NOVA1: variants seen among roughly 807,000 people sequenced by gnomAD.
NOVA1 encodes NOVA alternative splicing regulator 1, also known as RNA-binding protein Nova-1.
A neutral mutation model predicts 38.0 loss-of-function variants in NOVA1; 7 were observed. The observed-to-expected ratio is 0.18, with a 90% CI of 0.10 to 0.35. The LOEUF is 0.35. Ranked by LOEUF, NOVA1 falls within the 10% of genes least tolerant of loss-of-function variation. NOVA1 has a pLI of 1.00. For missense variants in NOVA1, 460 were observed against 616.0 expected, an observed-to-expected ratio of 0.75 and a Z score of 2.68; for synonymous variants, 270 against 232.5, an observed-to-expected ratio of 1.16 and a Z score of -1.47.
chr14:26,446,100 A>G lies in NOVA1; in HGVS notation c.*1859T>C, dbSNP rs1275462930. The G allele has an allele frequency of 2.0e-5, 3 of 152,550 alleles. No individual in the cohort carries two copies. The highest frequency in any genetic ancestry group is 6.5e-5 in the Admixed American group (1 of 15,278). The allele number at this position is 152,550 out of a possible 1,614,324, so 9.4% of individuals were successfully genotyped here. A position where few individuals can be genotyped will look rare whatever the true frequency, so the allele number is the denominator to read the frequency against. ...TCATTCCCTTTTAAAATCATTCTCT[A>G]AATAAATATTTAGAGATAGAGAACT... On this transcript the variant is annotated 3_prime_UTR_variant, in exon 5 of 5. Transcript: ENST00000539517.
intron 2 of NOVA1, among the ~76,000 whole-genome samples, chr14:26,515,299 T>C (rs1888382514): frequency 1.3e-5 from 2 of 151,944 alleles, no homozygotes; most frequent in South Asian, 4.1e-4. Context: ...CTTGTATTTA[T>C]ATAAAGAAAA....
chr14:26,490,080 T>C (rs1008518889), intron 2 of NOVA1, among the ~76,000 whole-genome samples: 1 of 152,236 alleles, frequency 6.6e-6, no homozygotes, highest in African/African-American at 2.4e-5. Context: ...GTCAAAATTC[T>C]AGATATTTCG....
At chr14:26,461,493 G>A (rs894979759) in intron 4 of NOVA1, among the ~76,000 whole-genome samples, 23 of 152,114 alleles carry the variant, frequency 1.5e-4, no homozygotes, top group Admixed American at 4.6e-4. Context: ...TCCGATTCCC[G>A]TCACTGGTGT....
At chr14:26,497,343 A>G (rs1042809133) in intron 2 of NOVA1, among the ~76,000 whole-genome samples, 1 of 152,194 alleles carries the variant, frequency 6.6e-6, no homozygotes, top group Admixed American at 6.5e-5. Flanking sequence ...GGTAGGAAGA[A>G]TCAATATCAT....
chr14:26,452,460 G>T (rs945606848), intron 4 of NOVA1, among the ~76,000 whole-genome samples: 2 of 152,176 alleles, frequency 1.3e-5, no homozygotes, highest in African/African-American at 2.4e-5. Flanking sequence ...GAAGCAAAGA[G>T]AATTATGTAA....
chr14:26,448,217 A>G lies in NOVA1; in HGVS notation c.1266T>C (p.Asp422=), dbSNP rs1303523026. Residue 422 remains aspartate, a synonymous_variant, in exon 5 of 5, where the codon GAT becomes GAC. Transcript: ENST00000539517. The surrounding 1 kb of genome is among the most constrained non-coding windows in gnomAD (Gnocchi z 5.3). ...GTEKSTDGSK[D]VVEIAVPENL... is the part of the protein sequence containing the mutation. ...TTTCTGGCACTGCTATTTCAACTACATCCTTGGATCCATCTGTGGACTTTT... is the reference window on the plus strand; with the variant it reads ...TTTCTGGCACTGCTATTTCAACTACGTCCTTGGATCCATCTGTGGACTTTT... 3 of 1,614,212 alleles carry G rather than the reference A, an allele frequency of 1.9e-6. No homozygotes were observed. Among genetic ancestry groups the G allele is most frequent in the East Asian group, 4.5e-5 (2 of 44,884 alleles).
chr14:26,587,191 ACTT>A (rs985366639), intron 2 of NOVA1, among the ~76,000 whole-genome samples: 1 of 150,578 alleles, frequency 6.6e-6, no homozygotes, highest in African/African-American at 2.4e-5. Context: ...GATCATCTGA[ACTT>A]CATCACTTTG....
At chr14:26,550,169 C>T (rs887013485) in intron 2 of NOVA1, among the ~76,000 whole-genome samples, 14 of 151,924 alleles carry the variant, frequency 9.2e-5, no homozygotes, top group Non-Finnish European at 1.9e-4. Flanking sequence ...TAAAACCGGG[C>T]AAACATATAC....
At chr14:26,481,650 T>C (rs1268081458) in intron 2 of NOVA1, among the ~76,000 whole-genome samples, 1 of 152,104 alleles carries the variant, frequency 6.6e-6, no homozygotes, top group Non-Finnish European at 1.5e-5. Flanking sequence ...TTTGTAAGGG[T>C]GGATAAAGCC....
rs1442764129 is a variant in NOVA1, at chr14:26,447,480, T to C, written c.*479A>G. On this transcript the variant is annotated 3_prime_UTR_variant, in exon 5 of 5. Coordinates refer to ENST00000539517, the MANE Select transcript of NOVA1 (RefSeq NM_002515.3). The stretch of plus-strand genomic sequence containing the variant: ...TTGATCATTTTAAATTTAAAACTTA[T>C]TTTCAAAATATTGTTTCCTACTTCA... 10 of 156,454 alleles carry C rather than the reference T, an allele frequency of 6.4e-5. No individual in the cohort carries two copies. The highest frequency in any genetic ancestry group is 2.4e-4 in the African/African-American group (10 of 41,502). The allele number at this position is 156,454 out of a possible 1,614,324, so 9.7% of individuals were successfully genotyped here.
At chr14:26,522,366 A>G (rs1888961998) in intron 2 of NOVA1, among the ~76,000 whole-genome samples, 1 of 152,122 alleles carries the variant, frequency 6.6e-6, no homozygotes, top group South Asian at 2.1e-4. Context: ...AAATTTGTGT[A>G]GGGTTGGAGA....
chr14:26,594,893 A>G (rs1031533992), intron 2 of NOVA1, among the ~76,000 whole-genome samples: 2 of 152,148 alleles, frequency 1.3e-5, no homozygotes, highest in African/African-American at 4.8e-5. Context: ...TAAAACTGCA[A>G]TATTTAAAAA....
chr14:26,597,350 C>G lies in NOVA1; in HGVS notation c.87G>C (p.Pro29=), dbSNP rs1357413597. The change falls in exon 1 of 5, where the codon CCG becomes CCC. Residue 29 remains proline, a synonymous_variant. Transcript: ENST00000539517. ...TGCCGGCTTCAGGGGGGGCTTCCAG[C>G]GGCCTTTTCCGCGAGTCCGGCGGGT... is the stretch of plus-strand genomic sequence containing the variant. ...DLDPPDSRKR[P]LEAPPEAGST... The G allele has an allele frequency of 1.3e-5, 17 of 1,268,634 alleles. No homozygotes were observed. Among genetic ancestry groups the G allele is most frequent in the Non-Finnish European group, 1.4e-5 (14 of 999,212 alleles). The allele number at this position is 1,268,634 out of a possible 1,614,324, so 78.6% of individuals were successfully genotyped here.
chr14:26,485,775 T>G (rs2138325502), intron 2 of NOVA1, among the ~76,000 whole-genome samples: 1 of 152,242 alleles, frequency 6.6e-6, no homozygotes, highest in South Asian at 2.1e-4. Context: ...ACTCAGTATC[T>G]TATGAAAGAA....
Position 26,591,910 on chromosome 14 carries a change from A to G in NOVA1, c.280+3500T>C, listed in dbSNP as rs572616229. On this transcript the variant is annotated intron_variant, in intron 2 of 4. Coordinates refer to ENST00000539517, the MANE Select transcript of NOVA1 (RefSeq NM_002515.3). ...AATTTCAAATTTTAAATTAAGAACC[A>G]TAAAAGGAAATATTTTTATTAAATG... Among the ~76,000 whole-genome samples the G allele has an allele frequency of 2.3e-3, 345 of 151,364 alleles. 1 individual carries two copies. The highest frequency in any genetic ancestry group is 7.6e-3 in the African/African-American group (311 of 41,180).
chr14:26,502,720 T>C (rs1211440488), intron 2 of NOVA1, among the ~76,000 whole-genome samples: 72 of 151,814 alleles, frequency 4.7e-4, no homozygotes, highest in Admixed American at 4.7e-3. Flanking sequence ...ACATAAACAA[T>C]TGGATTTTGT....
At chr14:26,576,410 G>C (rs1462890158) in intron 2 of NOVA1, among the ~76,000 whole-genome samples, 1 of 151,138 alleles carries the variant, frequency 6.6e-6, no homozygotes, top group Non-Finnish European at 1.5e-5. Context: ...CTAAAATGAG[G>C]AAACTCCCAG....
intron 2 of NOVA1, among the ~76,000 whole-genome samples, chr14:26,577,883 A>G (rs1892961710): frequency 6.6e-6 from 1 of 152,088 alleles, no homozygotes; most frequent in Non-Finnish European, 1.5e-5. Context: ...AAGGTCCACA[A>G]TGGACACAAA....
intron 2 of NOVA1, among the ~76,000 whole-genome samples, chr14:26,490,806 A>G (rs1483790975): frequency 6.8e-6 from 1 of 146,548 alleles, no homozygotes; most frequent in African/African-American, 2.5e-5. Context: ...AGCCCCAAGT[A>G]GGTGAACTAC....
Sources: gnomAD v4.1 joint callset for allele counts (sites outside exome capture counted in the v4.1 genomes callset) on GRCh38, gnomAD v4.1.1 for gene constraint, Gnocchi (gnomAD v3.1) non-coding constraint, MANE v1.5 for transcripts, NCBI Gene and HGNC (gene_info 2026-07-23, HGNC 2026-07-21) for gene names.